Variants in FGF21 observed in about 807,000 individuals in gnomAD.
The protein encoded by FGF21 is fibroblast growth factor 21.
FGF21 carries 13 observed loss-of-function variants against 13.4 expected under a neutral mutation model. That is an observed-to-expected ratio of 0.97 (90% confidence interval 0.63 to 1.54). The LOEUF is 1.54. Among genes scored for constraint, FGF21 ranks in the 40% most tolerant of loss-of-function variants. The probability of loss-of-function intolerance (pLI) is 0.00; values close to 1 mark genes in which losing one functional copy is unlikely to be tolerated. For missense variants in FGF21, 303 were observed against 272.4 expected (o/e 1.11, Z -0.79); for synonymous variants, 124 against 123.6 (o/e 1.00, Z -0.02).
intron 2 of FGF21, 30 bp from the exon 3 acceptor site, chr19:48,756,896 T>C: frequency 1.3e-6 from 2 of 1,579,296 alleles, no homozygotes; most frequent in Non-Finnish European, 1.7e-6. Flanking sequence ...GGAGAGGTCC[T>C]CGAACCACCT....
intron 3 of FGF21, among the ~76,000 whole-genome samples, chr19:48,757,705 AGAGGCTGGGGCCTGGAACCCCG>A (rs2034131422): frequency 7.5e-6 from 1 of 133,800 alleles, no homozygotes; most frequent in Admixed American, 7.6e-5. Flanking sequence ...CTGAGGGAGG[AGAGGCTGGGGCCTGGAACCCCG>A]GGTCTGAGGG....
At chr19:48,756,833 T>C in intron 2 of FGF21, 93 bp from the exon 3 acceptor site, 1 of 1,033,566 alleles carries the variant, frequency 9.7e-7, no homozygotes, top group Non-Finnish European at 1.5e-6. Flanking sequence ...CTCCCAGGGC[T>C]GGGACAGAGC....
intron 2 of FGF21, 120 bp from the exon 3 acceptor site, chr19:48,756,806 T>C: frequency 1.2e-6 from 1 of 800,462 alleles, no homozygotes; most frequent in African/African-American, 1.7e-5. Context: ...AGGGAGGAGG[T>C]AGGCTGTGGG....
At position 48,755,711 on chromosome 19, in the gene FGF21, T is replaced by C. The variant is rs990474564; in HGVS notation, c.-420T>C. ...GATGGGGCGCAGAAATTTCTCTTGT[T>C]CTGCGTGATCTGCATAGATGGTCCA... is the stretch of plus-strand genomic sequence containing the variant. On this transcript the variant is annotated 5_prime_UTR_variant, in exon 1 of 4. Coordinates refer to ENST00000593756, the MANE Select transcript of FGF21 (RefSeq NM_019113.4). 1 of 152,496 alleles carries C rather than the reference T, an allele frequency of 6.6e-6. No individual in the cohort carries two copies. Among genetic ancestry groups the C allele is most frequent in the Non-Finnish European group, 1.5e-5 (1 of 68,370 alleles). 9.4% of individuals were successfully genotyped at this position (152,496 alleles called of 1,614,324 possible).
intron 2 of FGF21, 68 bp downstream of exon 2, chr19:48,756,539 G>C (rs1240735574): frequency 1.4e-6 from 2 of 1,480,168 alleles, no homozygotes; most frequent in African/African-American, 1.4e-5. Context: ...GGGTCTGAGG[G>C]AGGAGGGGCT....
In FGF21 at chr19:48,755,992, A is replaced by G. The variant is rs1473069878; in HGVS notation, c.-245A>G. 1.9e-6 allele frequency: 1 copy of G among 520,980 alleles called. No individual in the cohort carries two copies. Among genetic ancestry groups the G allele is most frequent in the African/African-American group, 1.9e-5 (1 of 52,204 alleles). The allele number at this position is 520,980 out of a possible 1,614,324, so 32.3% of individuals were successfully genotyped here. A position where few individuals can be genotyped will look rare whatever the true frequency, so the allele number is the denominator to read the frequency against. ...TCTGTAGCTCCTGCCAAATGGGTCA[A>G]ATATCATGGTTCAGGCGCAGGGAGG... On this transcript the variant is annotated 5_prime_UTR_variant, in exon 2 of 4. Coordinates refer to ENST00000593756, the MANE Select transcript of FGF21 (RefSeq NM_019113.4).
intron 3 of FGF21, among the ~76,000 whole-genome samples, 174 bp from the exon 4 acceptor site, chr19:48,757,741 AGGCGCTGGGGGCCTG>A: frequency 1.5e-5 from 2 of 136,328 alleles, no homozygotes; most frequent in African/African-American, 5.7e-5. Flanking sequence ...CTGAGGGAGG[AGGCGCTGGGGGCCTG>A]GACTCCTGGG....
rs1210419859 is a variant in FGF21 at position 48,757,005 on chromosome 19, G to A, written c.315G>A (p.Arg105=). 2 of 1,613,896 alleles carry A rather than the reference G, an allele frequency of 1.2e-6. No individual in the cohort carries two copies. The highest frequency in any genetic ancestry group is 2.2e-5 in the East Asian group (1 of 44,884). ...AGACATCCAGGTTCCTGTGCCAGCG[G>A]CCAGATGGGGCCCTGTATGGATCGG... is the stretch of plus-strand genomic sequence containing the variant. ...GVKTSRFLCQ[R]PDGALYGSLH... is the part of the protein sequence containing the mutation. Residue 105 remains arginine, a synonymous_variant, in exon 3 of 4, where the codon CGG becomes CGA. Coordinates refer to ENST00000593756, the MANE Select transcript of FGF21 (RefSeq NM_019113.4).
At chr19:48,757,626 A>T (rs913561632) in intron 3 of FGF21, among the ~76,000 whole-genome samples, 1 of 116,376 alleles carries the variant, frequency 8.6e-6, no homozygotes, top group African/African-American at 3.4e-5. Flanking sequence ...CCTGGGTCTG[A>T]GGGAGGAGGG....
At chr19:48,756,494 G>A (rs1269004038) in intron 2 of FGF21, 23 bp downstream of exon 2, 1 of 1,599,736 alleles carries the variant, frequency 6.3e-7, no homozygotes. Context: ...CAGAGCCTGG[G>A]TCTGAGGGAG....
intron 3 of FGF21, among the ~76,000 whole-genome samples, chr19:48,757,371 G>A (rs3826821): frequency 0.063 from 9,558 of 152,236 alleles, 381 homozygotes; most frequent in Admixed American, 0.1. Flanking sequence ...GGGACACTCG[G>A]GGAAGCCATG....
rs779768254 is a variant in FGF21 at position 48,756,467 on chromosome 19, C to A, written c.231C>A (p.Pro77=). Residue 77 remains proline (P), a synonymous_variant, in exon 2 of 4, where the codon CCC becomes CCA. Coordinates refer to ENST00000593756, the MANE Select transcript of FGF21 (RefSeq NM_019113.4). ...TGGGGGGCGCTGCTGACCAGAGCCCCGAAAGTGAGTGTGGGCCAGAGCCTG... is the reference window on the plus strand; with the variant it reads ...TGGGGGGCGCTGCTGACCAGAGCCCAGAAAGTGAGTGTGGGCCAGAGCCTG... The part of the protein sequence containing the change: ...GTVGGAADQS[P]ESLLQLKALK... 5.0e-6 allele frequency: 8 copies of A among 1,611,644 alleles called. No homozygotes were observed. The highest frequency in any genetic ancestry group is 1.7e-5 in the Admixed American group (1 of 59,810).
chr19:48,756,885 G>T, intron 2 of FGF21, 41 bp from the exon 3 acceptor site: 1 of 1,492,410 alleles, frequency 6.7e-7, no homozygotes, highest in South Asian at 1.1e-5. Context: ...AGTCCCGGGT[G>T]GGAGAGGTCC....
chr19:48,756,943 G>T lies in FGF21; in HGVS notation c.253G>T (p.Ala85Ser). 5 of 1,614,062 alleles carry T rather than the reference G, an allele frequency of 3.1e-6. No homozygotes were observed. The highest frequency in any genetic ancestry group is 1.6e-4 in the Middle Eastern group (1 of 6,062). Residue 85 changes from alanine (A) to serine (S), a missense_variant, in exon 3 of 4, where the codon GCC (alanine) becomes TCC (serine). Physicochemically the swap from Ala to Ser is moderately conservative, Grantham distance 99. Transcript: ENST00000593756. The stretch of plus-strand genomic sequence containing the variant: ...CCCCTTAGGTCTCCTGCAGCTGAAA[G>T]CCTTGAAGCCGGGAGTTATTCAAAT... ...QSPESLLQLK[A>S]LKPGVIQILG...
chr19:48,756,547 GC>G (rs2034099264), intron 2 of FGF21, 76 bp downstream of exon 2: 2 of 1,429,978 alleles, frequency 1.4e-6, no homozygotes, highest in Admixed American at 2.1e-5. Context: ...GGGAGGAGGG[GC>G]TGGGGGCCTT....
rs369717276 is a variant in FGF21 at position 48,756,977 on chromosome 19, T to C, written c.287T>C (p.Val96Ala). ...CCGGGAGTTATTCAAATCTTGGGAG[T>C]CAAGACATCCAGGTTCCTGTGCCAG... is the stretch of plus-strand genomic sequence containing the variant. ...LKPGVIQILGVKTSRFLCQRP... is the reference protein window; with the variant it reads ...LKPGVIQILGAKTSRFLCQRP... Residue 96 changes from valine (V) to alanine (A), a missense_variant, in exon 3 of 4, where the codon GTC becomes GCC. Transcript: ENST00000593756. The C allele has an allele frequency of 2.2e-4, 356 of 1,613,754 alleles. No homozygotes were observed. Among genetic ancestry groups the C allele is most frequent in the Non-Finnish European group, 2.8e-4 (333 of 1,179,960 alleles).
At position 48,758,300 on chromosome 19, in the gene FGF21, T is replaced by C; in HGVS notation, c.*80T>C. The C allele has an allele frequency of 7.7e-7, 1 of 1,291,066 alleles. No homozygotes were observed. Among genetic ancestry groups the C allele is most frequent in the Non-Finnish European group, 1.0e-6 (1 of 966,028 alleles). 80.0% of individuals were successfully genotyped at this position (1,291,066 alleles called of 1,614,324 possible). A position where few individuals can be genotyped will look rare whatever the true frequency, so the allele number is the denominator to read the frequency against. Reference sequence around the variant, plus strand: ...TATTTATTTTTTTATTTTTCTTACTTGAGATAATAAAGAGTTCCAGAGGAG... The same window carrying C: ...TATTTATTTTTTTATTTTTCTTACTCGAGATAATAAAGAGTTCCAGAGGAG... On this transcript the variant is annotated 3_prime_UTR_variant, in exon 4 of 4. Coordinates refer to ENST00000593756, the MANE Select transcript of FGF21 (RefSeq NM_019113.4).
In FGF21 at chr19:48,758,244, A is replaced by G; in HGVS notation, c.*24A>G. 1 of 1,563,782 alleles carries G rather than the reference A, an allele frequency of 6.4e-7. No individual in the cohort carries two copies. On this transcript the variant is annotated 3_prime_UTR_variant, in exon 4 of 4. Coordinates refer to ENST00000593756, the MANE Select transcript of FGF21 (RefSeq NM_019113.4). ...GAAGCCAGAGGCTGTTTACTATGACATCTCCTCTTTATTTATTAGGTTATT... is the reference window on the plus strand; with the variant it reads ...GAAGCCAGAGGCTGTTTACTATGACGTCTCCTCTTTATTTATTAGGTTATT...
intron 3 of FGF21, 123 bp downstream of exon 3, chr19:48,757,152 G>GC: frequency 1.4e-6 from 1 of 690,510 alleles, no homozygotes. Context: ...TGCTCTGCAC[G>GC]CCCCCAGCTG....
Sources: gnomAD v4.1 joint callset for allele counts (sites outside exome capture counted in the v4.1 genomes callset) on GRCh38, gnomAD v4.1.1 for gene constraint, MANE v1.5 for transcripts, NCBI Gene and HGNC (gene_info 2026-07-23, HGNC 2026-07-21) for gene names.